The following SGCD variants were observed in gnomAD, a reference collection of about 807,000 sequenced individuals.
The protein encoded by SGCD is sarcoglycan delta.
SGCD carries 18 observed loss-of-function variants against 36.6 expected under a neutral mutation model. The observed-to-expected ratio is 0.49, with a 90% CI of 0.34 to 0.73. The LOEUF is 0.73. Ranked by LOEUF, SGCD falls within the 30% of genes least tolerant of loss-of-function variation. The pLI is 0.01. For missense variants in SGCD, 387 were observed against 346.7 expected, an observed-to-expected ratio of 1.12 and a Z score of -0.92; for synonymous variants, 133 against 130.6, an observed-to-expected ratio of 1.02 and a Z score of -0.12.
intron 1 of SGCD, among the ~76,000 whole-genome samples, chr5:156,014,238 T>G (rs866426473): frequency 3.9e-5 from 6 of 152,122 alleles, no homozygotes; most frequent in African/African-American, 4.8e-5. Context: ...CTTTGCTCAT[T>G]CAGTTTCCTT....
intron 3 of SGCD, among the ~76,000 whole-genome samples, chr5:156,289,267 A>C (rs1429335899): frequency 6.6e-6 from 1 of 151,974 alleles, no homozygotes; most frequent in African/African-American, 2.4e-5. Context: ...CCCAAAAAAA[A>C]TTGAGCAAGC....
rs1407812567 is a variant in SGCD, at chr5:156,060,998, T to C, written c.-281-56880T>C. 4.8e-5 allele frequency among the ~76,000 whole-genome samples: 7 copies of C among 145,260 alleles called. No individual in the cohort carries two copies. The East Asian group carries it at 1.4e-3, about 28-fold the overall frequency. The stretch of plus-strand genomic sequence containing the variant: ...GGAATCCCTCTGTCTTTTCTCTGTG[T>C]CTGGACTCTCACAAAAATTGATTTA... On this transcript the variant is annotated intron_variant, in intron 1 of 9. Transcript: ENST00000517913.
intron 1 of SGCD, among the ~76,000 whole-genome samples, chr5:156,107,870 A>C (rs531685095): frequency 6.6e-6 from 1 of 152,186 alleles, no homozygotes; most frequent in African/African-American, 2.4e-5. Flanking sequence ...TAAATAATGT[A>C]GAAACATGTG....
At chr5:156,284,110 A>C (rs1418983077) in intron 3 of SGCD, among the ~76,000 whole-genome samples, 1 of 152,188 alleles carries the variant, frequency 6.6e-6, no homozygotes, top group Non-Finnish European at 1.5e-5. Flanking sequence ...ACACCTTCCC[A>C]AGACTAAACC....
chr5:156,534,571 A>G (rs905846036), intron 4 of SGCD, among the ~76,000 whole-genome samples: 2 of 152,156 alleles, frequency 1.3e-5, no homozygotes, highest in East Asian at 3.9e-4. Flanking sequence ...CTTTCCGTGG[A>G]TATCTTCCTT....
chr5:155,734,903 T>C, the SGCD span, among the ~76,000 whole-genome samples: 19 of 152,192 alleles, frequency 1.2e-4, no homozygotes, highest in African/African-American at 4.6e-4. Context: ...TAGATGTCTT[T>C]ATAATGTGTT....
chr5:155,890,874 A>C (rs9313417), intron 1 of SGCD, among the ~76,000 whole-genome samples: 19 of 151,794 alleles, frequency 1.3e-4, no homozygotes, highest in Non-Finnish European at 2.2e-4. Context: ...TGGTGGGAGA[A>C]TAAGAGTTCA....
intron 6 of SGCD, among the ~76,000 whole-genome samples, chr5:156,640,554 T>G (rs1055488156): frequency 6.6e-6 from 1 of 152,218 alleles, no homozygotes; most frequent in African/African-American, 2.4e-5. Context: ...GCCATTCACA[T>G]AATAGGTACT....
intron 7 of SGCD, among the ~76,000 whole-genome samples, chr5:156,680,985 A>G (rs1156560475): frequency 1.3e-5 from 2 of 152,114 alleles, no homozygotes; most frequent in Admixed American, 6.5e-5. Flanking sequence ...GAACACTGGA[A>G]CCAGCCGGTC....
chr5:156,639,868 T>C (rs1168796850), intron 6 of SGCD, among the ~76,000 whole-genome samples: 1 of 152,004 alleles, frequency 6.6e-6, no homozygotes, highest in African/African-American at 2.4e-5. Context: ...TGATGGCTCA[T>C]CCTTCCATAC....
At chr5:156,067,880 A>T (rs1760377740) in intron 1 of SGCD, among the ~76,000 whole-genome samples, 1 of 130,650 alleles carries the variant, frequency 7.7e-6, no homozygotes, top group Non-Finnish European at 1.5e-5. Flanking sequence ...CTCAGATGGA[A>T]ATGCAGAAAT....
intron 4 of SGCD, among the ~76,000 whole-genome samples, chr5:156,511,861 T>A (rs1474080824): frequency 6.6e-6 from 1 of 152,164 alleles, no homozygotes; most frequent in Non-Finnish European, 1.5e-5. Context: ...AAAATGAAAG[T>A]GTCTCTTAAG....
intron 3 of SGCD, among the ~76,000 whole-genome samples, chr5:156,462,629 G>A (rs1158774721): frequency 3.3e-5 from 5 of 152,134 alleles, no homozygotes; most frequent in African/African-American, 9.6e-5. Context: ...TGACTGGCTA[G>A]CAATAGAAAT....
intron 6 of SGCD, among the ~76,000 whole-genome samples, chr5:156,621,708 A>C (rs1762256678): frequency 6.6e-6 from 1 of 152,248 alleles, no homozygotes; most frequent in South Asian, 2.1e-4. Context: ...TATTTTGAGC[A>C]TATACAAAGT....
At chr5:156,607,415 A>G (rs926608475) in intron 6 of SGCD, among the ~76,000 whole-genome samples, 4 of 152,180 alleles carry the variant, frequency 2.6e-5, no homozygotes, top group Non-Finnish European at 5.9e-5. Context: ...CATGGTGGAT[A>G]AGCTTTTTGA....
At chr5:155,956,933 A>G (rs970099439) in intron 1 of SGCD, among the ~76,000 whole-genome samples, 2 of 151,998 alleles carry the variant, frequency 1.3e-5, no homozygotes, top group African/African-American at 2.4e-5. Flanking sequence ...TTTTGGGGCT[A>G]CAATTCAACC....
At chr5:156,345,240 AT>A (rs879574610) in intron 3 of SGCD, among the ~76,000 whole-genome samples, 54 of 145,792 alleles carry the variant, frequency 3.7e-4, no homozygotes, top group Admixed American at 9.6e-4. Flanking sequence ...GCTGTGTTTC[AT>A]TTTTTTTTTT....
intron 3 of SGCD, among the ~76,000 whole-genome samples, chr5:156,173,249 A>G (rs1763384146): frequency 6.6e-6 from 1 of 152,220 alleles, no homozygotes; most frequent in South Asian, 2.1e-4. Flanking sequence ...AAATAAAAAT[A>G]AATGGACAAA....
chr5:155,884,548 T>A (rs759709584), intron 1 of SGCD, among the ~76,000 whole-genome samples: 4 of 152,230 alleles, frequency 2.6e-5, no homozygotes, highest in Non-Finnish European at 5.9e-5. Context: ...TGGGTAAAGA[T>A]GCTCAGGTTG....
Sources: allele counts gnomAD v4.1 joint callset (sites outside exome capture counted in the v4.1 genomes callset), GRCh38; gene constraint gnomAD v4.1.1; transcripts MANE v1.5; gene names NCBI Gene and HGNC (gene_info 2026-07-23, HGNC 2026-07-21).